KCNQ5: variants seen among roughly 807,000 people sequenced by gnomAD.
The protein encoded by KCNQ5 is potassium voltage-gated channel subfamily Q member 5.
In KCNQ5, 30 loss-of-function variants were observed where a neutral mutation model predicts 98.2. The observed-to-expected ratio is 0.31, with a 90% CI of 0.23 to 0.41. The LOEUF (loss-of-function observed/expected upper bound fraction) is 0.41. Among genes scored for constraint, KCNQ5 ranks in the 10% least tolerant of loss-of-function variants. The pLI, the probability that KCNQ5 is intolerant of heterozygous loss-of-function variation, is 1.00. For missense variants in KCNQ5, 835 were observed against 1,182.5 expected, an observed-to-expected ratio of 0.71 and a Z score of 4.31; for synonymous variants, 458 against 449.4, an observed-to-expected ratio of 1.02 and a Z score of -0.24.
intron 1 of KCNQ5, among the ~76,000 whole-genome samples, chr6:72,777,658 G>T (rs1314509413): frequency 6.6e-6 from 1 of 152,146 alleles, no homozygotes; most frequent in Admixed American, 6.5e-5. Context: ...AGGTCAAAAG[G>T]TACCTTCTTG....
intron 1 of KCNQ5, among the ~76,000 whole-genome samples, chr6:72,908,319 T>A (rs1779786671): frequency 6.6e-6 from 1 of 152,022 alleles, no homozygotes; most frequent in African/African-American, 2.4e-5. Flanking sequence ...TAAAATTGCG[T>A]TGTGTTTGGA....
chr6:72,813,389 G>C (rs776853178), intron 1 of KCNQ5, among the ~76,000 whole-genome samples: 4 of 151,990 alleles, frequency 2.6e-5, no homozygotes, highest in African/African-American at 9.7e-5. Flanking sequence ...GCCTACTCAG[G>C]TATAGTTTAT....
At chr6:72,769,344 T>TA (rs1772740636) in intron 1 of KCNQ5, among the ~76,000 whole-genome samples, 1 of 152,082 alleles carries the variant, frequency 6.6e-6, no homozygotes, top group African/African-American at 2.4e-5. Flanking sequence ...TTTGATAGAA[T>TA]AAAGTATCAA....
At chr6:72,710,887 A>G (rs1186761477) in intron 1 of KCNQ5, among the ~76,000 whole-genome samples, 1 of 152,210 alleles carries the variant, frequency 6.6e-6, no homozygotes, top group Non-Finnish European at 1.5e-5. Flanking sequence ...GCAACAGGAT[A>G]TACATTCTTC....
intron 1 of KCNQ5, among the ~76,000 whole-genome samples, chr6:72,735,594 T>C (rs1474648228): frequency 2.0e-5 from 3 of 152,122 alleles, no homozygotes; most frequent in Non-Finnish European, 4.4e-5. Flanking sequence ...TTTTTAGAAC[T>C]ATTTTTCATT....
chr6:73,180,359 C>A (rs1450729397), intron 11 of KCNQ5, among the ~76,000 whole-genome samples: 1 of 152,188 alleles, frequency 6.6e-6, no homozygotes, highest in Admixed American at 6.5e-5. Context: ...CTTTCCCTTC[C>A]AAGGTAATCC....
At chr6:72,881,837 G>A (rs1778644005) in intron 1 of KCNQ5, among the ~76,000 whole-genome samples, 1 of 152,124 alleles carries the variant, frequency 6.6e-6, no homozygotes, top group African/African-American at 2.4e-5. Context: ...GATTGCAGAT[G>A]CATGCCACCA....
chr6:73,158,605 A>C (rs569730333), intron 10 of KCNQ5, among the ~76,000 whole-genome samples: 10 of 152,104 alleles, frequency 6.6e-5, no homozygotes, highest in Non-Finnish European at 1.5e-4. Flanking sequence ...CCTATTTTTC[A>C]AATACTTCAT....
At chr6:73,041,444 A>G (rs1333218465) in intron 2 of KCNQ5, among the ~76,000 whole-genome samples, 1 of 152,220 alleles carries the variant, frequency 6.6e-6, no homozygotes, top group Non-Finnish European at 1.5e-5. Context: ...TAACGAAAGA[A>G]TTCAGTATAC....
chr6:72,878,945 G>T (rs984777347), intron 1 of KCNQ5, among the ~76,000 whole-genome samples: 9 of 151,976 alleles, frequency 5.9e-5, no homozygotes, highest in Admixed American at 3.3e-4. Flanking sequence ...CTCAGCTGCC[G>T]CTGAGTCTTT....
chr6:72,835,228 C>G (rs1776453705), intron 1 of KCNQ5, among the ~76,000 whole-genome samples: 1 of 152,088 alleles, frequency 6.6e-6, no homozygotes, highest in East Asian at 1.9e-4. Flanking sequence ...TCCTGCCAAT[C>G]TTAGAAGCAA....
intron 1 of KCNQ5, among the ~76,000 whole-genome samples, chr6:72,884,296 T>C (rs1778767020): frequency 6.6e-6 from 1 of 152,192 alleles, no homozygotes; most frequent in South Asian, 2.1e-4. Context: ...GAAGCATTCA[T>C]TGTTGGTTTT....
chr6:73,154,485 A>C (rs1463947009), intron 10 of KCNQ5, among the ~76,000 whole-genome samples: 1 of 152,210 alleles, frequency 6.6e-6, no homozygotes, highest in African/African-American at 2.4e-5. Flanking sequence ...TTGTTCCTGA[A>C]GAGAAAAACT....
intron 1 of KCNQ5, among the ~76,000 whole-genome samples, chr6:72,770,040 G>A (rs1772778732): frequency 6.6e-6 from 1 of 152,186 alleles, no homozygotes; most frequent in Admixed American, 6.5e-5. Context: ...TAAAAACAGA[G>A]TCCACAGCAA....
chr6:73,166,917 T>C (rs1283246737), intron 10 of KCNQ5, among the ~76,000 whole-genome samples: 1 of 152,214 alleles, frequency 6.6e-6, no homozygotes, highest in Non-Finnish European at 1.5e-5. Context: ...CCCCGCCTAA[T>C]CCAGTGTGAT....
chr6:72,717,750 C>A (rs1183241264), intron 1 of KCNQ5, among the ~76,000 whole-genome samples: 1 of 152,150 alleles, frequency 6.6e-6, no homozygotes, highest in African/African-American at 2.4e-5. Flanking sequence ...TTGTTATCAT[C>A]CATCTAAGCC....
intron 1 of KCNQ5, among the ~76,000 whole-genome samples, chr6:72,773,724 T>G (rs1307741301): frequency 6.6e-6 from 1 of 152,230 alleles, no homozygotes; most frequent in African/African-American, 2.4e-5. Flanking sequence ...TATATTTTTT[T>G]AAATGGAAAT....
intron 1 of KCNQ5, among the ~76,000 whole-genome samples, chr6:72,839,696 A>G (rs1776698334): frequency 6.6e-6 from 1 of 152,178 alleles, no homozygotes; most frequent in Non-Finnish European, 1.5e-5. Context: ...ATAAATGTAT[A>G]TTTTTATGGG....
At chr6:72,721,251 G>A (rs1005003379) in intron 1 of KCNQ5, among the ~76,000 whole-genome samples, 3 of 152,062 alleles carry the variant, frequency 2.0e-5, no homozygotes, top group Non-Finnish European at 2.9e-5. Flanking sequence ...TGCAGTTCTT[G>A]GATGTCTTCT....
Sources: gnomAD v4.1 joint callset for allele counts (sites outside exome capture counted in the v4.1 genomes callset) on GRCh38, gnomAD v4.1.1 for gene constraint, MANE v1.5 for transcripts, NCBI Gene and HGNC (gene_info 2026-07-23, HGNC 2026-07-21) for gene names.